The following DCC variants were observed in gnomAD, a reference collection of about 807,000 sequenced individuals.
The protein encoded by DCC is DCC netrin 1 receptor.
A neutral mutation model predicts 172.5 loss-of-function variants in DCC; 58 were observed. The ratio of observed to expected loss-of-function variants is 0.34; its 90% CI spans 0.27 to 0.42. The LOEUF is 0.42. Among genes scored for constraint, DCC ranks in the 10% least tolerant of loss-of-function variants. The probability of loss-of-function intolerance (pLI) is 1.00; values close to 1 mark genes in which losing one functional copy is unlikely to be tolerated. For missense variants in DCC, 1,740 were observed against 1,791.0 expected, an observed-to-expected ratio of 0.97 and a Z score of 0.51; for synonymous variants, 709 against 644.5, an observed-to-expected ratio of 1.10 and a Z score of -1.52.
chr18:52,396,785 T>C (rs1598783189), intron 1 of DCC, among the ~76,000 whole-genome samples: 1 of 151,948 alleles, frequency 6.6e-6, no homozygotes, highest in Admixed American at 6.6e-5. Context: ...AACGGATGGG[T>C]CATCTCAATT....
chr18:52,568,239 T>C (rs2033208640), intron 1 of DCC, among the ~76,000 whole-genome samples: 1 of 152,136 alleles, frequency 6.6e-6, no homozygotes, highest in Non-Finnish European at 1.5e-5. Context: ...AATAAAAACA[T>C]ATGCTCTCAC....
intron 9 of DCC, among the ~76,000 whole-genome samples, chr18:53,187,257 G>A (rs1043137387): frequency 1.3e-5 from 2 of 151,660 alleles, no homozygotes; most frequent in African/African-American, 4.8e-5. Context: ...CAAGTGGCTG[G>A]GATTACAGGC....
rs77686852 is a variant in DCC at position 52,719,676 on chromosome 18, T to A, written c.92-32378T>A. Among the ~76,000 whole-genome samples, 1,194 of 152,048 alleles carry A rather than the reference T, an allele frequency of 7.9e-3. 17 individuals carry two copies. The highest frequency in any genetic ancestry group is 0.027 in the African/African-American group (1,123 of 41,464). On this transcript the variant is annotated intron_variant, in intron 1 of 28. Transcript: ENST00000442544. ...TGCGGCATATCATTAGAGAGAATTA[T>A]ATTGAGAAGAGGCCCAGCTTTTGAT...
At chr18:53,155,212 G>T (rs1328987896) in intron 7 of DCC, among the ~76,000 whole-genome samples, 2 of 151,860 alleles carry the variant, frequency 1.3e-5, no homozygotes, top group East Asian at 3.9e-4. Context: ...CTACCCAGAT[G>T]AATTTTTCTA....
chr18:53,498,412 T>C (rs1045890986), intron 26 of DCC, among the ~76,000 whole-genome samples: 1 of 152,224 alleles, frequency 6.6e-6, no homozygotes, highest in Non-Finnish European at 1.5e-5. Context: ...TTATTAATAC[T>C]TAAACCTACT....
At chr18:52,921,452 A>G (rs2040123767) in intron 3 of DCC, among the ~76,000 whole-genome samples, 1 of 152,056 alleles carries the variant, frequency 6.6e-6, no homozygotes, top group African/African-American at 2.4e-5. Flanking sequence ...TAATCCCAGC[A>G]CTTTGGGAGG....
chr18:53,386,635 T>C (rs1208263430), intron 16 of DCC, among the ~76,000 whole-genome samples: 1 of 152,132 alleles, frequency 6.6e-6, no homozygotes, highest in Admixed American at 6.5e-5. Flanking sequence ...ATATGTGGTA[T>C]CTTCCTGAGC....
chr18:53,176,269 C>T (rs1222047597), intron 8 of DCC, among the ~76,000 whole-genome samples: 3 of 128,698 alleles, frequency 2.3e-5, no homozygotes, highest in Admixed American at 8.3e-5. Context: ...TAGGCATGGG[C>T]AAGGACTTCA....
chr18:52,460,686 C>T (rs572471933), intron 1 of DCC, among the ~76,000 whole-genome samples: 5 of 152,204 alleles, frequency 3.3e-5, no homozygotes, highest in African/African-American at 9.6e-5. Flanking sequence ...GTGTACAGCA[C>T]GTTACTATTC....
At chr18:53,119,281 T>C (rs1385289924) in intron 7 of DCC, among the ~76,000 whole-genome samples, 3 of 151,772 alleles carry the variant, frequency 2.0e-5, no homozygotes, top group Non-Finnish European at 2.9e-5. Context: ...TGTCCTTATT[T>C]TATCATCTTT....
chr18:53,200,135 G>C (rs1488162380), intron 9 of DCC, among the ~76,000 whole-genome samples: 1 of 152,144 alleles, frequency 6.6e-6, no homozygotes, highest in East Asian at 1.9e-4. Flanking sequence ...GGCAGTACCA[G>C]TGTAAACTGA....
At chr18:53,299,363 T>G (rs2057105392) in intron 12 of DCC, among the ~76,000 whole-genome samples, 1 of 152,178 alleles carries the variant, frequency 6.6e-6, no homozygotes, top group African/African-American at 2.4e-5. Flanking sequence ...CTTTTCCTTA[T>G]CCTATATATC....
intron 14 of DCC, among the ~76,000 whole-genome samples, chr18:53,336,192 A>C (rs559757924): frequency 3.9e-5 from 6 of 152,286 alleles, no homozygotes; most frequent in African/African-American, 9.6e-5. Flanking sequence ...GATACTTGTA[A>C]AATGTTTCAT....
rs79741495 is a variant in DCC at position 52,540,145 on chromosome 18, T to C, written c.91+199267T>C. On this transcript the variant is annotated intron_variant, in intron 1 of 28. Coordinates refer to ENST00000442544, the MANE Select transcript of DCC (RefSeq NM_005215.4). ...TATCTCTCTGGATATCAAAACTTTA[T>C]CATTGCTTGGCCTGGAGCAGTGTCT... 4.6e-4 allele frequency among the ~76,000 whole-genome samples: 70 copies of C among 152,326 alleles called. No homozygotes were observed. In the East Asian group the frequency reaches 0.013, roughly 29 times the overall value.
At chr18:53,497,053 C>T (rs1304747629) in intron 26 of DCC, among the ~76,000 whole-genome samples, 1 of 152,108 alleles carries the variant, frequency 6.6e-6, no homozygotes, top group African/African-American at 2.4e-5. Flanking sequence ...TTATTTAAGG[C>T]AGATTTTTGA....
At chr18:53,460,098 G>T in intron 24 of DCC, among the ~76,000 whole-genome samples, 1 of 145,462 alleles carries the variant, frequency 6.9e-6, no homozygotes. Context: ...ATGAATTGGT[G>T]CAGAACAATC....
intron 7 of DCC, among the ~76,000 whole-genome samples, chr18:53,071,855 G>A (rs2042655799): frequency 6.6e-6 from 1 of 152,198 alleles, no homozygotes; most frequent in African/African-American, 2.4e-5. Context: ...AGGACTGGGT[G>A]CAGTGGCTCA....
At chr18:53,467,872 C>T (rs919470305) in intron 24 of DCC, 22 bp from the exon 25 acceptor site, 1 of 1,203,362 alleles carries the variant, frequency 8.3e-7, no homozygotes, top group Non-Finnish European at 1.2e-6. Context: ...GGGCATGTTT[C>T]TCAGGAGTGT....
chr18:53,435,258 G>T (rs1236722666), intron 22 of DCC, 49 bp downstream of exon 22: 3 of 1,276,064 alleles, frequency 2.4e-6, no homozygotes, highest in Non-Finnish European at 3.4e-6. Context: ...TAATTAAATG[G>T]TTAATTCAAG....
Sources: allele counts gnomAD v4.1 joint callset (sites outside exome capture counted in the v4.1 genomes callset), GRCh38; gene constraint gnomAD v4.1.1; transcripts MANE v1.5; gene names NCBI Gene and HGNC (gene_info 2026-07-23, HGNC 2026-07-21).